The following B4GALT5 variants were observed in gnomAD, a reference collection of about 807,000 sequenced individuals.
B4GALT5 encodes UDP-Gal:beta-GlcNAc beta-1,4-galactosyltransferase 5.
Under a neutral mutation model 45.0 loss-of-function variants are expected in B4GALT5, and 11 were observed. That is an observed-to-expected ratio of 0.24 (90% CI 0.15 to 0.40). The LOEUF is 0.40. Among genes scored for constraint, B4GALT5 ranks in the 10% least tolerant of loss-of-function variants. The pLI is 1.00. For synonymous variants in B4GALT5, 185 were observed against 182.9 expected (o/e 1.01, Z -0.09); for missense variants, 337 against 500.2 (o/e 0.67, Z 3.11).
Position 49,702,164 on chromosome 20 carries a change from C to T in B4GALT5, c.115+11412G>A, listed in dbSNP as rs568984717. On this transcript the variant is annotated intron_variant, in intron 1 of 8. Coordinates refer to ENST00000371711, the MANE Select transcript of B4GALT5 (RefSeq NM_004776.4). ...TTCCTGTATGGCAAAAAATAAATCC[C>T]GTGTCGCCTGCCGAATCCGAATCTA... Among the ~76,000 whole-genome samples the T allele has an allele frequency of 5.9e-5, 9 of 152,242 alleles. No homozygotes were observed. In the East Asian group the frequency reaches 1.2e-3, roughly 20 times the overall value.
At chr20:49,651,940 G>T (rs1482341992) in intron 2 of B4GALT5, among the ~76,000 whole-genome samples, 5 of 149,908 alleles carry the variant, frequency 3.3e-5, no homozygotes, top group Admixed American at 2.7e-4. Flanking sequence ...TTAGCCGGGG[G>T]TGGTGGCACC....
At chr20:49,649,970 C>T (rs2085614633) in intron 2 of B4GALT5, among the ~76,000 whole-genome samples, 1 of 152,016 alleles carries the variant, frequency 6.6e-6, no homozygotes, top group Non-Finnish European at 1.5e-5. Flanking sequence ...TCAACAAAAA[C>T]GAAGATAATA....
intron 1 of B4GALT5, among the ~76,000 whole-genome samples, chr20:49,657,355 A>C (rs2085647712): frequency 6.6e-6 from 1 of 152,192 alleles, no homozygotes; most frequent in Non-Finnish European, 1.5e-5. Context: ...ACATGCTCTT[A>C]ACAAATGAGT....
chr20:49,690,906 T>A (rs572087012), intron 1 of B4GALT5, among the ~76,000 whole-genome samples: 1 of 152,326 alleles, frequency 6.6e-6, no homozygotes, highest in African/African-American at 2.4e-5. Context: ...CCCTTCTGCA[T>A]ATAACCAAAT....
At chr20:49,696,917 G>GT (rs2085841711) in intron 1 of B4GALT5, among the ~76,000 whole-genome samples, 1 of 152,160 alleles carries the variant, frequency 6.6e-6, no homozygotes, top group Non-Finnish European at 1.5e-5. Flanking sequence ...TGAAGAGTCG[G>GT]TTTTTCACAC....
At chr20:49,702,672 T>G (rs569070993) in intron 1 of B4GALT5, among the ~76,000 whole-genome samples, 1 of 151,324 alleles carries the variant, frequency 6.6e-6, no homozygotes, top group East Asian at 2.0e-4. Context: ...CTGGGCAACA[T>G]AGGGCAATCC....
chr20:49,651,954 C>CTGGT (rs10649157), intron 2 of B4GALT5, among the ~76,000 whole-genome samples: 16,502 of 152,012 alleles, frequency 0.11, 998 homozygotes, highest in East Asian at 0.16. Context: ...TGGCACCCAC[C>CTGGT]TGGTGTCCCA....
At chr20:49,649,872 G>A (rs538113201) in intron 2 of B4GALT5, among the ~76,000 whole-genome samples, 1 of 152,270 alleles carries the variant, frequency 6.6e-6, no homozygotes, top group Non-Finnish European at 1.5e-5. Context: ...GACGCTGGCT[G>A]GAAACATGTA....
chr20:49,663,453 AAC>A (rs922353639), intron 1 of B4GALT5, among the ~76,000 whole-genome samples: 1 of 151,556 alleles, frequency 6.6e-6, no homozygotes, highest in Non-Finnish European at 1.5e-5. Context: ...CAAAAAAAAA[AAC>A]ATAGGAAGAG....
intron 5 of B4GALT5, among the ~76,000 whole-genome samples, chr20:49,641,076 T>C (rs1044302770): frequency 5.9e-5 from 9 of 151,818 alleles, no homozygotes; most frequent in East Asian, 1.9e-4. Context: ...GATCGCACCA[T>C]TGTACTCCAG....
intron 2 of B4GALT5, among the ~76,000 whole-genome samples, chr20:49,648,522 TG>T (rs1221951527): frequency 2.6e-5 from 4 of 152,212 alleles, no homozygotes; most frequent in Non-Finnish European, 5.9e-5. Flanking sequence ...GGGTGGTTGC[TG>T]GTTCTCCTGT....
chr20:49,706,540 T>A lies in B4GALT5; in HGVS notation c.115+7036A>T, dbSNP rs1339926763. Among the ~76,000 whole-genome samples the A allele has an allele frequency of 3.9e-5, 6 of 152,214 alleles. No individual in the cohort carries two copies. In the East Asian group the frequency reaches 9.6e-4, roughly 24 times the overall value. ...ACATGACACTCAAATGCTGGGTACC[T>A]GGGTAGCTCCAGGATTTTAAGTGGA... is the stretch of plus-strand genomic sequence containing the variant. On this transcript the variant is annotated intron_variant, in intron 1 of 8. Coordinates refer to ENST00000371711, the MANE Select transcript of B4GALT5 (RefSeq NM_004776.4).
Position 49,705,627 on chromosome 20 carries a change from G to A in B4GALT5, c.115+7949C>T, listed in dbSNP as rs75688499. Among the ~76,000 whole-genome samples the A allele has an allele frequency of 8.8e-3, 1,341 of 152,258 alleles. 13 individuals carry two copies. Among genetic ancestry groups the A allele is most frequent in the African/African-American group, 0.031 (1,272 of 41,542 alleles). Reference sequence around the variant, plus strand: ...AGGAGATGAAGTCAACGGGAAATCAGAACTTTAAAAGACAGTGTCTTTACT... The same window carrying A: ...AGGAGATGAAGTCAACGGGAAATCAAAACTTTAAAAGACAGTGTCTTTACT... On this transcript the variant is annotated intron_variant, in intron 1 of 8. Transcript: ENST00000371711.
intron 1 of B4GALT5, among the ~76,000 whole-genome samples, chr20:49,682,762 T>TGA (rs2085769348): frequency 1.3e-5 from 2 of 152,000 alleles, no homozygotes; most frequent in East Asian, 3.9e-4. Context: ...TAAATGTAGT[T>TGA]AAGAGTATTA....
intron 1 of B4GALT5, among the ~76,000 whole-genome samples, chr20:49,670,494 A>T (rs552823599): frequency 1.7e-4 from 26 of 152,260 alleles, no homozygotes; most frequent in African/African-American, 6.3e-4. Flanking sequence ...CCTGAGCTCA[A>T]GAGATCTTCA....
At chr20:49,669,588 C>G (rs984402413) in intron 1 of B4GALT5, among the ~76,000 whole-genome samples, 1 of 150,650 alleles carries the variant, frequency 6.6e-6, no homozygotes, top group Admixed American at 6.6e-5. Context: ...CCCAGTTACT[C>G]GGGAGGCTGA....
At chr20:49,653,165 C>A (rs180847763) in intron 2 of B4GALT5, among the ~76,000 whole-genome samples, 109 of 152,284 alleles carry the variant, frequency 7.2e-4, no homozygotes, top group African/African-American at 2.5e-3. Context: ...ATTATACTTA[C>A]CAGTTGATCA....
At chr20:49,694,839 T>TAC (rs71339447) in intron 1 of B4GALT5, among the ~76,000 whole-genome samples, 65,922 of 149,578 alleles carry the variant, frequency 0.44, 15,241 homozygotes, top group South Asian at 0.62. Flanking sequence ...GACAGACAGA[T>TAC]ACACACACAC....
chr20:49,684,592 A>G (rs777956653), intron 1 of B4GALT5: 6 of 518,884 alleles, frequency 1.2e-5, no homozygotes, highest in Non-Finnish European at 2.3e-5. Flanking sequence ...CTGAACTGAA[A>G]GAGGCCACAT....
Sources: allele counts gnomAD v4.1 joint callset (sites outside exome capture counted in the v4.1 genomes callset), GRCh38; gene constraint gnomAD v4.1.1; transcripts MANE v1.5; gene names NCBI Gene and HGNC (gene_info 2026-07-23, HGNC 2026-07-21).